RP1: variants seen among roughly 807,000 people sequenced by gnomAD.
The protein encoded by RP1 is RP1 axonemal microtubule associated, also known as oxygen-regulated protein 1.
Under a neutral mutation model 14.8 loss-of-function variants are expected in RP1, and 16 were observed. The ratio of observed to expected loss-of-function variants is 1.08; its 90% CI spans 0.73 to 1.65. RP1 has a LOEUF of 1.65. Among genes scored for constraint, RP1 ranks in the 40% most tolerant of loss-of-function variants. The pLI, the probability that RP1 is intolerant of heterozygous loss-of-function variation, is 0.00. For missense variants in RP1, 2,631 were observed against 2,535.0 expected (o/e 1.04, Z -0.81); for synonymous variants, 876 against 883.6 (o/e 0.99, Z 0.15).
At chr8:54,643,463 C>T (rs976408390) in intron 3 of RP1, among the ~76,000 whole-genome samples, 6 of 152,140 alleles carry the variant, frequency 3.9e-5, no homozygotes, top group Admixed American at 3.9e-4. Context: ...AGTATATACT[C>T]CTCTGACTAG....
At chr8:54,565,936 C>T (rs533066874) in intron 1 of RP1, among the ~76,000 whole-genome samples, 218 of 152,242 alleles carry the variant, frequency 1.4e-3, no homozygotes, top group Non-Finnish European at 1.7e-3. Flanking sequence ...CCCAGCTCTG[C>T]GGGTGTGCTG....
At chr8:54,606,404 A>G (rs949965604) in intron 1 of RP1, among the ~76,000 whole-genome samples, 18 of 151,542 alleles carry the variant, frequency 1.2e-4, no homozygotes, top group Non-Finnish European at 2.4e-4. Context: ...GTTTCTGCCG[A>G]GAGATCTGCT....
intron 24 of RP1, among the ~76,000 whole-genome samples, chr8:54,822,145 G>T (rs932511456): frequency 6.6e-6 from 1 of 151,878 alleles, no homozygotes; most frequent in South Asian, 2.1e-4. Flanking sequence ...TACAGAGAAG[G>T]GTATATATAA....
intron 19 of RP1, among the ~76,000 whole-genome samples, chr8:54,752,787 C>T (rs1809408757): frequency 6.6e-6 from 1 of 152,138 alleles, no homozygotes; most frequent in South Asian, 2.1e-4. Flanking sequence ...AACTGGAGGA[C>T]CTGGAGAAAA....
At chr8:54,597,748 A>G (rs1451317888) in intron 1 of RP1, among the ~76,000 whole-genome samples, 3 of 152,168 alleles carry the variant, frequency 2.0e-5, no homozygotes, top group Non-Finnish European at 4.4e-5. Flanking sequence ...AGACCTCCAT[A>G]TTGTGTGTCC....
chr8:54,792,989 A>C (rs1810502863), intron 24 of RP1, among the ~76,000 whole-genome samples: 1 of 151,830 alleles, frequency 6.6e-6, no homozygotes, highest in South Asian at 2.1e-4. Flanking sequence ...TAAAATTATC[A>C]ATGAAAAAGA....
At chr8:54,741,153 A>T (rs779914325) in intron 19 of RP1, among the ~76,000 whole-genome samples, 39 of 152,214 alleles carry the variant, frequency 2.6e-4, no homozygotes, top group Admixed American at 1.2e-3. Context: ...AAAAGTTTTT[A>T]AAAAATTAAA....
downstream of RP1, among the ~76,000 whole-genome samples, chr8:54,773,275 G>A (rs951801977): frequency 3.9e-5 from 6 of 152,076 alleles, no homozygotes; most frequent in Admixed American, 1.3e-4. Flanking sequence ...TTAGAATAAT[G>A]TACTGAAAAC....
intron 16 of RP1, among the ~76,000 whole-genome samples, chr8:54,720,696 G>A (rs1412393730): frequency 6.6e-6 from 1 of 152,172 alleles, no homozygotes; most frequent in Non-Finnish European, 1.5e-5. Context: ...TATAAAAAGA[G>A]ATGGAATAAA....
intron 7 of RP1, among the ~76,000 whole-genome samples, chr8:54,668,646 C>A (rs1807073683): frequency 6.6e-6 from 1 of 152,232 alleles, no homozygotes; most frequent in Admixed American, 6.5e-5. Context: ...CTACAGTAAC[C>A]AAAACAGCAT....
At chr8:54,647,446 A>G (rs894446823) in intron 3 of RP1, among the ~76,000 whole-genome samples, 3 of 152,106 alleles carry the variant, frequency 2.0e-5, no homozygotes, top group African/African-American at 7.2e-5. Context: ...ACAAATACAA[A>G]CATACATTAA....
At chr8:54,743,602 C>G (rs1274572641) in intron 19 of RP1, among the ~76,000 whole-genome samples, 1 of 151,898 alleles carries the variant, frequency 6.6e-6, no homozygotes, top group Non-Finnish European at 1.5e-5. Context: ...TGAAATCATC[C>G]TTCATTTTTT....
At chr8:54,578,863 C>A (rs866738019) in intron 1 of RP1, among the ~76,000 whole-genome samples, 51 of 152,096 alleles carry the variant, frequency 3.4e-4, no homozygotes, top group African/African-American at 1.2e-3. Context: ...CAGTTAAGTT[C>A]CTTAACAAAA....
chr8:54,755,994 G>T (rs1031818248), intron 21 of RP1, among the ~76,000 whole-genome samples: 3 of 152,014 alleles, frequency 2.0e-5, no homozygotes, highest in Admixed American at 1.3e-4. Flanking sequence ...ACAAAGAAAA[G>T]ATATTAAAAA....
intron 20 of RP1, chr8:54,755,566 G>C: frequency 6.6e-7 from 1 of 1,515,220 alleles, no homozygotes; most frequent in Non-Finnish European, 8.9e-7. Context: ...CTGTTTGTAT[G>C]GATTTCAAGG....
At chr8:54,702,559 G>T (rs1808050455) in intron 14 of RP1, among the ~76,000 whole-genome samples, 1 of 152,102 alleles carries the variant, frequency 6.6e-6, no homozygotes, top group Non-Finnish European at 1.5e-5. Context: ...CTGTAGCGGG[G>T]GGTCTTGCCT....
intron 24 of RP1, among the ~76,000 whole-genome samples, chr8:54,823,154 C>T (rs1169179552): frequency 2.6e-5 from 4 of 152,102 alleles, no homozygotes; most frequent in African/African-American, 4.8e-5. Context: ...CTATTCCATC[C>T]TGAGAAAGCC....
Position 54,843,573 on chromosome 8 carries a change from C to T in RP1, c.3835+5904C>T, listed in dbSNP as rs189431958. ...TTCCTGAGATCTGATTTTTTTGGGC[C>T]GTATCAATGTGATCTCACCACAATG... is the stretch of plus-strand genomic sequence containing the variant. On this transcript the variant is annotated intron_variant, in intron 25 of 28. Transcript: ENST00000637698. Among the ~76,000 whole-genome samples the T allele has an allele frequency of 2.7e-3, 415 of 152,136 alleles. 4 individuals are homozygous for T. Among genetic ancestry groups the T allele is most frequent in the African/African-American group, 9.5e-3 (393 of 41,488 alleles).
intron 7 of RP1, among the ~76,000 whole-genome samples, chr8:54,667,124 A>G (rs912728761): frequency 6.6e-6 from 1 of 151,104 alleles, no homozygotes; most frequent in Non-Finnish European, 1.5e-5. Flanking sequence ...TTTTACTTTC[A>G]TTTTTCTATT....
Sources: allele counts gnomAD v4.1 joint callset (sites outside exome capture counted in the v4.1 genomes callset), GRCh38; gene constraint gnomAD v4.1.1; transcripts MANE v1.5; gene names NCBI Gene and HGNC (gene_info 2026-07-23, HGNC 2026-07-21).